The following SMS variants were observed in gnomAD, a reference collection of about 807,000 sequenced individuals.
SMS encodes spermidine aminopropyltransferase.
SMS carries 3 observed loss-of-function variants against 33.0 expected under a neutral mutation model. The observed-to-expected ratio is 0.09, with a 90% CI of 0.04 to 0.23. SMS has a LOEUF of 0.23. SMS is among the 10% of genes least tolerant of loss of function. The probability of loss-of-function intolerance (pLI) is 1.00; values close to 1 mark genes in which losing one functional copy is unlikely to be tolerated. For missense variants in SMS, 117 were observed against 288.6 expected, an observed-to-expected ratio of 0.41 and a Z score of 4.31; for synonymous variants, 103 against 112.2, an observed-to-expected ratio of 0.92 and a Z score of 0.52.
chrX:21,977,807 A>G (rs768977816), intron 5 of SMS, among the ~76,000 whole-genome samples, 153 bp from the exon 6 acceptor site: 8 of 112,427 alleles, frequency 7.1e-5, no homozygotes, highest in South Asian at 3.7e-4. Flanking sequence ...AAAGTCCTCA[A>G]TGGAAAAAAA....
intron 7 of SMS, among the ~76,000 whole-genome samples, chrX:21,980,429 A>ATATATAT (rs1556001657): frequency 1.7e-4 from 11 of 63,045 alleles, no homozygotes; most frequent in East Asian, 6.5e-4. Context: ...AAAAAAAAAA[A>ATATATAT]ATATATATAT....
chrX:21,947,191 C>T (rs1922296597), intron 1 of SMS, among the ~76,000 whole-genome samples: 1 of 112,071 alleles, frequency 8.9e-6, no homozygotes, highest in African/African-American at 3.2e-5. Context: ...AAGCTTCCTT[C>T]CTCCCGCTCC....
chrX:21,952,277 G>A (rs1040717197), intron 1 of SMS, among the ~76,000 whole-genome samples: 1 of 111,705 alleles, frequency 9.0e-6, no homozygotes, highest in African/African-American at 3.3e-5. Flanking sequence ...TTATCAAGTT[G>A]AGAAAGCTCT....
At chrX:21,968,232 C>T (rs1923878266) in intron 2 of SMS, among the ~76,000 whole-genome samples, 1 of 112,839 alleles carries the variant, frequency 8.9e-6, no homozygotes. Context: ...AGCGCTTTGC[C>T]ATCTTCCTGG....
At position 21,946,263 on chromosome X, in the gene SMS, G is replaced by A. The variant is rs373390612; in HGVS notation, c.49+5390G>A. ...GGGAGGGGGAGGACTGAGACAGCCC[G>A]TTCCTTTTAGGGGGTGTAGGTTTCC... On this transcript the variant is annotated intron_variant, in intron 1 of 10. Transcript: ENST00000404933. Among the ~76,000 whole-genome samples the A allele has an allele frequency of 4.2e-4, 47 of 112,275 alleles. 1 individual carries two copies. In the South Asian group the frequency reaches 0.017, roughly 40 times the overall value.
chrX:21,966,120 C>T (rs1923704856), intron 1 of SMS, among the ~76,000 whole-genome samples: 2 of 112,318 alleles, frequency 1.8e-5, no homozygotes, highest in African/African-American at 3.2e-5. Context: ...CTTCCCAGTT[C>T]TAGTTTCGGC....
intron 7 of SMS, among the ~76,000 whole-genome samples, chrX:21,981,319 CAA>C (rs11373560): frequency 1.0e-5 from 1 of 96,665 alleles, no homozygotes. Flanking sequence ...GACTCCGTCT[CAA>C]AAAAAAAAAG....
intron 1 of SMS, 148 bp downstream of exon 1, chrX:21,941,021 A>C: frequency 6.6e-6 from 1 of 152,422 alleles, no homozygotes; most frequent in Non-Finnish European, 1.1e-5. Flanking sequence ...TGCCACGCAC[A>C]GCGCGCTGCG....
rs887769805 is a variant in SMS, at chrX:21,994,414, T to A, written c.*63T>A. 8.4e-7 allele frequency: 1 copy of A among 1,194,100 alleles called. No individual in the cohort carries two copies. Among genetic ancestry groups the A allele is most frequent in the Admixed American group, 2.2e-5 (1 of 45,337 alleles). On this transcript the variant is annotated 3_prime_UTR_variant, in exon 11 of 11. Coordinates refer to ENST00000404933, the MANE Select transcript of SMS (RefSeq NM_004595.5). Reference sequence around the variant, plus strand: ...CTTCCTGACCTCCATATGCTGTACATGACATCAAAATGAGTCAGGCAATTG... The same window carrying A: ...CTTCCTGACCTCCATATGCTGTACAAGACATCAAAATGAGTCAGGCAATTG...
chrX:21,946,230 C>A (rs1301286904), intron 1 of SMS, among the ~76,000 whole-genome samples: 1 of 112,390 alleles, frequency 8.9e-6, no homozygotes, highest in Non-Finnish European at 1.9e-5. Flanking sequence ...GTTGAGACCC[C>A]CAGGCTGGGG....
intron 9 of SMS, among the ~76,000 whole-genome samples, chrX:21,987,216 C>T (rs1305822159): frequency 7.2e-5 from 8 of 111,717 alleles, no homozygotes; most frequent in Admixed American, 2.8e-4. Context: ...AGGCTGGTCT[C>T]GAACTCCCAA....
At position 21,977,305 on chromosome X, in the gene SMS, A is replaced by C. The variant is rs992979145; in HGVS notation, c.505+69A>C. On this transcript the variant is annotated intron_variant, in intron 5 of 10. Transcript: ENST00000404933. Reference sequence around the variant, plus strand: ...TGTGTTGAATGATGGTGTTTTCCTGACAATTACTACTGTCGTGGATTTGTT... The same window carrying C: ...TGTGTTGAATGATGGTGTTTTCCTGCCAATTACTACTGTCGTGGATTTGTT... 5.3e-6 allele frequency: 5 copies of C among 947,573 alleles called. No individual in the cohort carries two copies. In the East Asian group the frequency reaches 1.5e-4, roughly 29 times the overall value. 78.1% of individuals were successfully genotyped at this position (947,573 alleles called of 1,213,427 possible).
At chrX:21,978,826 C>T (rs771431238) in intron 6 of SMS, 51 bp from the exon 7 acceptor site, 1 of 822,612 alleles carries the variant, frequency 1.2e-6, no homozygotes, top group East Asian at 3.1e-5. Context: ...TAAAGTATTA[C>T]TATTTCAGAA....
intron 7 of SMS, 100 bp from the exon 8 acceptor site, chrX:21,984,204 G>T: frequency 1.7e-6 from 1 of 595,600 alleles, no homozygotes; most frequent in Non-Finnish European, 3.0e-6. Context: ...GTGGATATAA[G>T]CCCATACTTG....
chrX:21,977,314 A>G (rs1381052789), intron 5 of SMS, 78 bp downstream of exon 5: 8 of 912,665 alleles, frequency 8.8e-6, no homozygotes, highest in Middle Eastern at 2.7e-4. Context: ...GACAATTACT[A>G]CTGTCGTGGA....
chrX:21,989,604 C>T lies in SMS; in HGVS notation c.946-2993C>T, dbSNP rs191238918. Among the ~76,000 whole-genome samples, 124 of 112,226 alleles carry T rather than the reference C, an allele frequency of 1.1e-3. 1 individual carries two copies. Among genetic ancestry groups the T allele is most frequent in the African/African-American group, 3.8e-3 (118 of 30,905 alleles). ...TTCATGCTAACCACTTCCCCGCCCT[C>T]AAGTTTGCACACAAGACCCATTAGT... On this transcript the variant is annotated intron_variant, in intron 9 of 10. Coordinates refer to ENST00000404933, the MANE Select transcript of SMS (RefSeq NM_004595.5).
chrX:21,987,523 A>G lies in SMS; in HGVS notation c.945+2300A>G, dbSNP rs559712350. ...ATTTTTGTAGAGATGAGGTCTCACT[A>G]TGTTGCCCAGGTTGGCCTTAAACTC... is the stretch of plus-strand genomic sequence containing the variant. On this transcript the variant is annotated intron_variant, in intron 9 of 10. Coordinates refer to ENST00000404933, the MANE Select transcript of SMS (RefSeq NM_004595.5). Among the ~76,000 whole-genome samples, 7 of 112,063 alleles carry G rather than the reference A, an allele frequency of 6.2e-5. No individual in the cohort carries two copies. In the South Asian group the frequency reaches 1.8e-3, roughly 29 times the overall value.
chrX:21,980,636 T>C (rs1440010229), intron 7 of SMS, among the ~76,000 whole-genome samples: 1 of 109,442 alleles, frequency 9.1e-6, no homozygotes, highest in South Asian at 3.8e-4. Context: ...CCACTGAAAA[T>C]AGGAAGAAGA....
intron 7 of SMS, among the ~76,000 whole-genome samples, chrX:21,983,135 G>C (rs189261087): frequency 7.2e-5 from 8 of 111,148 alleles, no homozygotes; most frequent in Non-Finnish European, 1.1e-4. Flanking sequence ...AAACTCCCGG[G>C]CTCAAGCGAT....
Sources: gnomAD v4.1 joint callset for allele counts (sites outside exome capture counted in the v4.1 genomes callset) on GRCh38, gnomAD v4.1.1 for gene constraint, MANE v1.5 for transcripts, NCBI Gene and HGNC (gene_info 2026-07-23, HGNC 2026-07-21) for gene names.